Variants in FBXL13 observed in about 807,000 individuals in gnomAD.
FBXL13 encodes the protein F-box and leucine rich repeat protein 13.
Under a neutral mutation model 83.6 loss-of-function variants are expected in FBXL13, and 67 were observed. That is an observed-to-expected ratio of 0.80 (90% CI 0.66 to 0.98). The LOEUF (loss-of-function observed/expected upper bound fraction) is 0.98, where lower values mean the gene tolerates loss of function less well. Ranked by LOEUF, FBXL13 falls within the 50% of genes least tolerant of loss-of-function variation. The probability of loss-of-function intolerance (pLI) is 0.00; values close to 1 mark genes in which losing one functional copy is unlikely to be tolerated. For synonymous variants in FBXL13, 272 were observed against 299.5 expected (o/e 0.91, Z 0.95); for missense variants, 822 against 866.5 (o/e 0.95, Z 0.64).
At chr7:102,955,390 A>C (rs1404294722) in intron 8 of FBXL13, among the ~76,000 whole-genome samples, 1 of 152,106 alleles carries the variant, frequency 6.6e-6, no homozygotes, top group Admixed American at 6.6e-5. Flanking sequence ...CATTTAAAGC[A>C]GGGTGTAGAA....
chr7:102,934,142 C>CAG, intron 8 of FBXL13: 1 of 1,614,122 alleles, frequency 6.2e-7, no homozygotes, highest in Non-Finnish European at 8.5e-7. Context: ...TTATGTGCTG[C>CAG]CTGGTTGGCC....
chr7:102,902,881 G>A (rs1334411997), intron 11 of FBXL13, among the ~76,000 whole-genome samples: 1 of 151,656 alleles, frequency 6.6e-6, no homozygotes, highest in African/African-American at 2.4e-5. Flanking sequence ...TGTTCTTTTT[G>A]CTTAGGATAG....
intron 2 of FBXL13, 32 bp from the exon 3 acceptor site, chr7:103,055,210 TA>T: frequency 9.0e-7 from 1 of 1,105,802 alleles, no homozygotes; most frequent in Non-Finnish European, 1.2e-6. Context: ...CAGTCAAAAT[TA>T]ATTTCATTAA....
At chr7:102,883,246 A>G (rs1810353045) in intron 14 of FBXL13, 59 bp downstream of exon 15, 2 of 1,495,886 alleles carry the variant, frequency 1.3e-6, no homozygotes, top group Admixed American at 2.1e-5. Flanking sequence ...CTTAGGAGAG[A>G]ACCTGGCACA....
chr7:103,021,860 T>G (rs370106930), intron 6 of FBXL13, among the ~76,000 whole-genome samples: 7 of 152,112 alleles, frequency 4.6e-5, no homozygotes, highest in African/African-American at 9.7e-5. Context: ...GGAGAAATAG[T>G]AACACTTTTA....
At chr7:102,993,853 C>T (rs1382612611) in intron 6 of FBXL13, among the ~76,000 whole-genome samples, 1 of 152,186 alleles carries the variant, frequency 6.6e-6, no homozygotes, top group Non-Finnish European at 1.5e-5. Context: ...TAAGAAAGTT[C>T]AAATTGTATC....
intron 8 of FBXL13, among the ~76,000 whole-genome samples, chr7:102,951,273 C>T (rs193015625): frequency 6.6e-6 from 1 of 151,750 alleles, no homozygotes; most frequent in Non-Finnish European, 1.5e-5. Flanking sequence ...TCAAGACCAG[C>T]TTGGCTAACA....
At chr7:102,839,104 G>A (rs1317109964) in intron 17 of FBXL13, among the ~76,000 whole-genome samples, 1 of 152,262 alleles carries the variant, frequency 6.6e-6, no homozygotes, top group East Asian at 1.9e-4. Context: ...CGGGAGACGA[G>A]ACATGTTGGC....
intron 11 of FBXL13, chr7:102,912,879 C>G: frequency 1.8e-6 from 1 of 556,648 alleles, no homozygotes; most frequent in East Asian, 3.1e-5. Flanking sequence ...GCCTGTTTGT[C>G]TGTGTGACAC....
At chr7:102,824,731 T>C (rs117510066) in intron 18 of FBXL13, among the ~76,000 whole-genome samples, 6,225 of 151,100 alleles carry the variant, frequency 0.041, 324 homozygotes, top group East Asian at 0.16. Context: ...AGTGATCCGC[T>C]CACCTTGGCC....
At chr7:102,896,503 T>C (rs1012323887) in intron 11 of FBXL13, among the ~76,000 whole-genome samples, 2 of 152,164 alleles carry the variant, frequency 1.3e-5, no homozygotes, top group African/African-American at 4.8e-5. Context: ...CTTAGTTTGC[T>C]AGACATGCTG....
intron 6 of FBXL13, among the ~76,000 whole-genome samples, chr7:102,990,168 G>A (rs1422525813): frequency 1.3e-5 from 2 of 152,224 alleles, no homozygotes; most frequent in African/African-American, 2.4e-5. Flanking sequence ...AGCTGTGACT[G>A]CCATGACCTA....
intron 2 of FBXL13, among the ~76,000 whole-genome samples, chr7:103,043,264 C>A (rs1207065461): frequency 6.6e-6 from 1 of 152,138 alleles, no homozygotes; most frequent in Admixed American, 6.5e-5. Flanking sequence ...ATCAAAACCA[C>A]AATGAGATAC....
rs546288091 is a variant in FBXL13, at chr7:102,940,773, G to A, written c.725-8840C>T. On this transcript the variant is annotated intron_variant, in intron 8 of 19. Transcript: ENST00000313221. Reference sequence around the variant, plus strand: ...GCTTGGTAAATTAAGTAAACACATCGGATTTGGAAAGAACTGAGAATTACT... The same window carrying A: ...GCTTGGTAAATTAAGTAAACACATCAGATTTGGAAAGAACTGAGAATTACT... Among the ~76,000 whole-genome samples, 193 of 152,158 alleles carry A rather than the reference G, an allele frequency of 1.3e-3. 1 individual carries two copies. The highest frequency in any genetic ancestry group is 2.3e-3 in the Non-Finnish European group (159 of 68,024).
chr7:103,026,830 T>C (rs1793973533), intron 5 of FBXL13, among the ~76,000 whole-genome samples: 1 of 152,186 alleles, frequency 6.6e-6, no homozygotes, highest in African/African-American at 2.4e-5. Context: ...ACCCTTACTT[T>C]ATATTTCAAA....
intron 1 of FBXL13, chr7:103,074,113 A>G: frequency 4.5e-6 from 2 of 441,014 alleles, no homozygotes; most frequent in Non-Finnish European, 6.0e-6. Flanking sequence ...GTCTAAAGGC[A>G]ATCCTGGTTG....
chr7:102,917,577 T>C (rs1344148317), intron 10 of FBXL13, among the ~76,000 whole-genome samples: 1 of 152,140 alleles, frequency 6.6e-6, no homozygotes, highest in Non-Finnish European at 1.5e-5. Flanking sequence ...ACTGCAGCTA[T>C]AGAGAATGTG....
chr7:103,018,267 C>T (rs1271129120), intron 6 of FBXL13, among the ~76,000 whole-genome samples: 1 of 152,228 alleles, frequency 6.6e-6, no homozygotes, highest in African/African-American at 2.4e-5. Flanking sequence ...TACAGACAAG[C>T]AAATACTGAG....
chr7:103,043,493 A>G (rs916743442), intron 2 of FBXL13, among the ~76,000 whole-genome samples: 1 of 152,228 alleles, frequency 6.6e-6, no homozygotes, highest in East Asian at 1.9e-4. Context: ...CCAAAGGATT[A>G]TAAGTCATGC....
Sources: allele counts gnomAD v4.1 joint callset (sites outside exome capture counted in the v4.1 genomes callset), GRCh38; gene constraint gnomAD v4.1.1; transcripts MANE v1.5; gene names NCBI Gene and HGNC (gene_info 2026-07-23, HGNC 2026-07-21).